MAD1L1: variants seen among roughly 807,000 people sequenced by gnomAD.
MAD1L1 encodes mitotic spindle assembly checkpoint protein MAD1.
In MAD1L1, 95 loss-of-function variants were observed where a neutral mutation model predicts 96.9. The ratio of observed to expected loss-of-function variants is 0.98; its 90% CI spans 0.83 to 1.16. The LOEUF is 1.16. Among genes scored for constraint, MAD1L1 ranks in the 50% most tolerant of loss-of-function variants. The probability of loss-of-function intolerance (pLI) is 0.00; values close to 1 mark genes in which losing one functional copy is unlikely to be tolerated. For synonymous variants in MAD1L1, 473 were observed against 396.6 expected, an observed-to-expected ratio of 1.19 and a Z score of -2.29; for missense variants, 1,007 against 954.4, an observed-to-expected ratio of 1.06 and a Z score of -0.73.
intron 12 of MAD1L1, among the ~76,000 whole-genome samples, chr7:2,033,556 C>T (rs1562624275): frequency 1.3e-5 from 2 of 152,244 alleles, no homozygotes; most frequent in African/African-American, 2.4e-5. Flanking sequence ...AGGAAAATCA[C>T]TAACACGGTA....
intron 12 of MAD1L1, among the ~76,000 whole-genome samples, chr7:2,036,749 GC>G (rs1352601238): frequency 7.9e-5 from 12 of 152,224 alleles, no homozygotes; most frequent in Admixed American, 7.8e-4. Context: ...GATCAGAGGT[GC>G]TGTAAAGACT....
At chr7:1,894,946 C>T (rs973358106) in intron 18 of MAD1L1, among the ~76,000 whole-genome samples, 7 of 152,108 alleles carry the variant, frequency 4.6e-5, no homozygotes, top group Admixed American at 3.3e-4. Flanking sequence ...CACACTTAGG[C>T]CCCCTGGGGA....
In MAD1L1 at chr7:2,002,078, T is replaced by C. The variant is rs377712070; in HGVS notation, c.1403A>G (p.Gln468Arg). ...QALEELGGQK[Q>R]RADMLEMELK... ...CGTCTGACTCACCATGTCTGCTCTT[T>C]GTTTCTGGCCTCCCAGCTCCTCCAG... The change falls in exon 14 of 19, where the codon CAA becomes CGA. Residue 468 changes from glutamine to arginine, a missense_variant. Transcript: ENST00000265854. The C allele has an allele frequency of 2.9e-5, 46 of 1,613,266 alleles. No individual in the cohort carries two copies. Among genetic ancestry groups the C allele is most frequent in the Non-Finnish European group, 3.7e-5 (44 of 1,180,018 alleles).
At chr7:2,056,394 C>CCTCTG (rs60120786) in intron 12 of MAD1L1, among the ~76,000 whole-genome samples, 20,741 of 151,532 alleles carry the variant, frequency 0.14, 1,980 homozygotes, top group African/African-American at 0.26. Flanking sequence ...GGATGGAGGC[C>CCTCTG]CTCTGCTCTG....
intron 12 of MAD1L1, among the ~76,000 whole-genome samples, chr7:2,037,042 C>CCTCCCACAG (rs1229437388): frequency 6.6e-6 from 1 of 152,088 alleles, no homozygotes; most frequent in Non-Finnish European, 1.5e-5. Flanking sequence ...GCCGCATGCT[C>CCTCCCACAG]CTCCCACAGC....
chr7:1,842,796 G>A (rs1173486652), intron 18 of MAD1L1, among the ~76,000 whole-genome samples: 1 of 152,246 alleles, frequency 6.6e-6, no homozygotes, highest in African/African-American at 2.4e-5. Flanking sequence ...GGTGGGCAGG[G>A]CCTCTGAGTG....
chr7:2,006,213 C>T (rs1782023745), intron 13 of MAD1L1, among the ~76,000 whole-genome samples: 1 of 151,960 alleles, frequency 6.6e-6, no homozygotes, highest in Non-Finnish European at 1.5e-5. Context: ...TGTGGCCATT[C>T]AAGGACACAC....
intron 18 of MAD1L1, among the ~76,000 whole-genome samples, chr7:1,860,938 T>A (rs1784513893): frequency 6.6e-6 from 1 of 152,162 alleles, no homozygotes; most frequent in Non-Finnish European, 1.5e-5. Flanking sequence ...CCCACCCAGT[T>A]CTGGGTCTTG....
At chr7:1,990,366 A>C (rs1280382899) in intron 14 of MAD1L1, among the ~76,000 whole-genome samples, 2 of 152,202 alleles carry the variant, frequency 1.3e-5, no homozygotes, top group African/African-American at 4.8e-5. Flanking sequence ...CTCTGGCACC[A>C]GGAAGGCTTC....
At chr7:2,107,486 T>C (rs1250564434) in intron 11 of MAD1L1, 2 of 152,574 alleles carry the variant, frequency 1.3e-5, no homozygotes, top group South Asian at 4.1e-4. Flanking sequence ...CTTCCGACTG[T>C]GTGAGGTAAC....
At chr7:2,168,747 G>A (rs192835035) in intron 10 of MAD1L1, among the ~76,000 whole-genome samples, 5 of 152,378 alleles carry the variant, frequency 3.3e-5, no homozygotes, top group East Asian at 1.9e-4. Context: ...TCCTGAGGCC[G>A]GAACACCAAG....
chr7:2,040,036 G>C (rs1047926189), intron 12 of MAD1L1, among the ~76,000 whole-genome samples: 2 of 152,210 alleles, frequency 1.3e-5, no homozygotes, highest in African/African-American at 2.4e-5. Flanking sequence ...GCCAACCAAG[G>C]AAACAAGAAA....
chr7:1,847,379 C>T (rs886397096), intron 18 of MAD1L1: 6 of 470,856 alleles, frequency 1.3e-5, no homozygotes, highest in African/African-American at 6.0e-5. Context: ...GGGTGTGCAG[C>T]GTTACGTGAC....
chr7:2,012,586 G>C (rs529888236), intron 13 of MAD1L1, among the ~76,000 whole-genome samples: 24 of 152,334 alleles, frequency 1.6e-4, no homozygotes, highest in African/African-American at 5.1e-4. Flanking sequence ...GGAAAGCCAG[G>C]AGCGGGAGGA....
At chr7:2,030,824 A>G (rs528551687) in intron 12 of MAD1L1, among the ~76,000 whole-genome samples, 21 of 152,140 alleles carry the variant, frequency 1.4e-4, no homozygotes, top group Non-Finnish European at 2.8e-4. Flanking sequence ...TGTCCTCCTC[A>G]GCCCCCAACC....
intron 10 of MAD1L1, among the ~76,000 whole-genome samples, chr7:2,182,817 C>A (rs7787502): frequency 0.047 from 7,129 of 152,262 alleles, 585 homozygotes; most frequent in African/African-American, 0.16. Context: ...GAACAGGGAA[C>A]TTCGGCCAAC....
chr7:2,042,905 ACATCCACG>A (rs1783754368), intron 12 of MAD1L1, among the ~76,000 whole-genome samples: 2 of 150,248 alleles, frequency 1.3e-5, no homozygotes, highest in South Asian at 2.1e-4. Context: ...GTCCACGTCC[ACATCCACG>A]TCCACGTCCA....
chr7:2,220,209 C>T lies in MAD1L1; in HGVS notation c.472-753G>A, dbSNP rs189824631. 3.6e-4 allele frequency among the ~76,000 whole-genome samples: 55 copies of T among 152,256 alleles called. 1 individual carries two copies. In the East Asian group the frequency reaches 6.4e-3, roughly 18 times the overall value. Reference sequence around the variant, plus strand: ...TGCTGGGGAGGCCGTGCGCTTGGAACGGGAGCACGCGGCACGGGCAGGAGC... The same window carrying T: ...TGCTGGGGAGGCCGTGCGCTTGGAATGGGAGCACGCGGCACGGGCAGGAGC... On this transcript the variant is annotated intron_variant, in intron 5 of 18. Coordinates refer to ENST00000265854, the MANE Select transcript of MAD1L1 (RefSeq NM_001013836.2).
intron 11 of MAD1L1, among the ~76,000 whole-genome samples, chr7:2,140,992 C>G (rs1453069199): frequency 6.6e-6 from 1 of 152,258 alleles, no homozygotes; most frequent in East Asian, 1.9e-4. Flanking sequence ...GGGAAACAGT[C>G]TGGGTGTGAA....
Sources: gnomAD v4.1 joint callset for allele counts (sites outside exome capture counted in the v4.1 genomes callset) on GRCh38, gnomAD v4.1.1 for gene constraint, MANE v1.5 for transcripts, NCBI Gene and HGNC (gene_info 2026-07-23, HGNC 2026-07-21) for gene names.